EYS: variants seen among roughly 807,000 people sequenced by gnomAD.
The protein encoded by EYS is protein eyes shut homolog.
In EYS, 250 loss-of-function variants were observed where a neutral mutation model predicts 282.1. The observed-to-expected ratio is 0.89, with a 90% CI of 0.80 to 0.98. The LOEUF (loss-of-function observed/expected upper bound fraction) is 0.98, where lower values mean the gene tolerates loss of function less well. Among genes scored for constraint, EYS ranks in the 50% least tolerant of loss-of-function variants. The pLI, the probability that EYS is intolerant of heterozygous loss-of-function variation, is 0.00. For synonymous variants in EYS, 1,355 were observed against 1,282.9 expected (o/e 1.06, Z -1.20); for missense variants, 4,016 against 3,709.0 (o/e 1.08, Z -2.15).
intron 2 of EYS, among the ~76,000 whole-genome samples, chr6:65,560,997 G>T (rs1313937758): frequency 2.0e-5 from 3 of 151,708 alleles, no homozygotes; most frequent in African/African-American, 7.3e-5. Context: ...TATTTTGATT[G>T]TTGCTACCTT....
intron 12 of EYS, among the ~76,000 whole-genome samples, chr6:65,286,038 A>C (rs1768352175): frequency 6.6e-6 from 1 of 151,846 alleles, no homozygotes; most frequent in African/African-American, 2.4e-5. Context: ...AATTCTAACC[A>C]ATCACTTCCA....
chr6:64,809,865 C>T (rs1027105565), intron 22 of EYS, among the ~76,000 whole-genome samples: 1 of 152,046 alleles, frequency 6.6e-6, no homozygotes, highest in Admixed American at 6.6e-5. Context: ...TTATTGGGTG[C>T]TGTACTTACA....
chr6:64,224,835 A>AT lies in EYS; in HGVS notation c.6424+5756dup, dbSNP rs34708103. Among the ~76,000 whole-genome samples the AT allele has an allele frequency of 4.4e-4, 66 of 150,520 alleles. 1 individual carries two copies. Among genetic ancestry groups the AT allele is most frequent in the South Asian group, 3.0e-3 (14 of 4,736 alleles). On this transcript the variant is annotated intron_variant, in intron 31 of 42. Coordinates refer to ENST00000503581, the MANE Select transcript of EYS (RefSeq NM_001142800.2). ...ATGCTATGAATGCCTTTTGTGAATG[A>AT]TTTTTTTTTTGTGTTGAAATAAAGA...
intron 31 of EYS, among the ~76,000 whole-genome samples, chr6:64,119,758 G>GCTTTTCAC (rs1773511556): frequency 6.6e-6 from 1 of 152,186 alleles, no homozygotes; most frequent in Non-Finnish European, 1.5e-5. Flanking sequence ...CTTATAAAGG[G>GCTTTTCAC]CTTTTCACGT....
chr6:65,007,417 C>T (rs1771712942), intron 13 of EYS, among the ~76,000 whole-genome samples: 2 of 152,132 alleles, frequency 1.3e-5, no homozygotes, highest in Non-Finnish European at 1.5e-5. Flanking sequence ...GGCCACTATA[C>T]CCTCTTCAAG....
intron 35 of EYS, among the ~76,000 whole-genome samples, chr6:63,937,895 A>G (rs970741347): frequency 2.7e-4 from 41 of 152,348 alleles, no homozygotes; most frequent in African/African-American, 9.1e-4. Flanking sequence ...TTGTTACAGC[A>G]GTACAGACTA....
chr6:64,098,624 G>A (rs1197068640), intron 31 of EYS, among the ~76,000 whole-genome samples: 2 of 147,228 alleles, frequency 1.4e-5, no homozygotes, highest in Non-Finnish European at 3.0e-5. Context: ...TTTTTGAGAC[G>A]GAGTCTTGCT....
Position 65,005,330 on chromosome 6 carries a change from A to G in EYS, c.2138-7627T>C, listed in dbSNP as rs1194992491. ...GTTCCACGGTTCTCTTCCATGACCC[A>G]CGGCTTCTAATAGAGCTATAACACT... On this transcript the variant is annotated intron_variant, in intron 13 of 42. Transcript: ENST00000503581. Among the ~76,000 whole-genome samples the G allele has an allele frequency of 1.4e-5, 2 of 147,664 alleles. 1 individual carries two copies. The highest frequency in any genetic ancestry group is 1.3e-4 in the Admixed American group (2 of 14,844).
At chr6:64,956,752 A>C (rs995746572) in intron 14 of EYS, among the ~76,000 whole-genome samples, 1 of 152,164 alleles carries the variant, frequency 6.6e-6, no homozygotes, top group African/African-American at 2.4e-5. Context: ...AAACTCTAAT[A>C]ATCTGATCAA....
At chr6:64,872,462 G>T (rs1766623765) in intron 19 of EYS, among the ~76,000 whole-genome samples, 1 of 151,936 alleles carries the variant, frequency 6.6e-6, no homozygotes, top group Admixed American at 6.6e-5. Flanking sequence ...AATCTGGCTG[G>T]CTGGCGATTT....
intron 28 of EYS, among the ~76,000 whole-genome samples, chr6:64,391,902 A>G (rs1437458401): frequency 1.3e-5 from 2 of 152,180 alleles, no homozygotes; most frequent in Non-Finnish European, 2.9e-5. Context: ...AGAGACACAC[A>G]TAGGCTCAAA....
intron 15 of EYS, among the ~76,000 whole-genome samples, chr6:64,925,003 A>G (rs1325825693): frequency 1.3e-5 from 2 of 152,272 alleles, no homozygotes; most frequent in Admixed American, 1.3e-4. Flanking sequence ...GCAGCACCCC[A>G]TTCTACTGGT....
intron 35 of EYS, among the ~76,000 whole-genome samples, chr6:63,913,143 A>C (rs1764320723): frequency 6.6e-6 from 1 of 152,170 alleles, no homozygotes; most frequent in African/African-American, 2.4e-5. Flanking sequence ...TATCCCCTAA[A>C]GGGAGCCAGA....
At chr6:64,513,762 T>C (rs79639183) in intron 26 of EYS, among the ~76,000 whole-genome samples, 3,059 of 151,916 alleles carry the variant, frequency 0.02, 36 homozygotes, top group Non-Finnish European at 0.029. Context: ...AAAATTTTGG[T>C]GTGCCTGGAC....
At chr6:65,532,070 T>C (rs1479244579) in intron 2 of EYS, among the ~76,000 whole-genome samples, 1 of 152,160 alleles carries the variant, frequency 6.6e-6, no homozygotes, top group Non-Finnish European at 1.5e-5. Context: ...TTATTTCTAT[T>C]GCTGTTATAG....
intron 2 of EYS, among the ~76,000 whole-genome samples, chr6:65,597,952 T>A (rs1222303611): frequency 6.6e-6 from 1 of 151,862 alleles, no homozygotes; most frequent in Admixed American, 6.6e-5. Flanking sequence ...ATAAAAAAGT[T>A]AACTGGACAT....
At chr6:64,016,122 T>A (rs1403911406) in intron 33 of EYS, among the ~76,000 whole-genome samples, 1 of 152,160 alleles carries the variant, frequency 6.6e-6, no homozygotes, top group Non-Finnish European at 1.5e-5. Context: ...ATGCAACCAA[T>A]CAGGACAGAC....
At chr6:64,991,226 A>G (rs1771051331) in intron 14 of EYS, among the ~76,000 whole-genome samples, 1 of 151,606 alleles carries the variant, frequency 6.6e-6, no homozygotes, top group South Asian at 2.1e-4. Flanking sequence ...AGATTGGTAT[A>G]ATAAAAAGTA....
intron 30 of EYS, among the ~76,000 whole-genome samples, chr6:64,269,097 G>T (rs984085227): frequency 2.0e-5 from 3 of 152,084 alleles, no homozygotes; most frequent in African/African-American, 7.2e-5. Context: ...AGAGCAAAAG[G>T]TTCTAATTGA....
Sources: allele counts gnomAD v4.1 joint callset (sites outside exome capture counted in the v4.1 genomes callset), GRCh38; gene constraint gnomAD v4.1.1; transcripts MANE v1.5; gene names NCBI Gene and HGNC (gene_info 2026-07-23, HGNC 2026-07-21).